TNRC6A: variants seen among roughly 807,000 people sequenced by gnomAD.
The protein encoded by TNRC6A is trinucleotide repeat containing adaptor 6A.
In TNRC6A, 44 loss-of-function variants were observed where a neutral mutation model predicts 221.2. The observed-to-expected ratio is 0.20, with a 90% CI of 0.16 to 0.26. The LOEUF (loss-of-function observed/expected upper bound fraction) is 0.26. Among genes scored for constraint, TNRC6A ranks in the 10% least tolerant of loss-of-function variants. The pLI is 1.00. For missense variants in TNRC6A, 2,199 were observed against 2,404.4 expected (o/e 0.91, Z 1.79); for synonymous variants, 847 against 838.5 (o/e 1.01, Z -0.18).
At position 24,729,668 on chromosome 16, in the gene TNRC6A, TGCGGCG is replaced by T. The variant is rs1196544740; in HGVS notation, c.-166_-161del. On this transcript the variant is annotated 5_prime_UTR_variant, in exon 1 of 25. Transcript: ENST00000395799. ...GGGCATTCACTTCCGGTCTGGGGCC[TGCGGCG>T]GCGGCGGTGTCGGCGGCGGCGGCGG... is the stretch of plus-strand genomic sequence containing the variant. 5 of 649,368 alleles carry T rather than the reference TGCGGCG, an allele frequency of 7.7e-6. No individual in the cohort carries two copies. The highest frequency in any genetic ancestry group is 4.8e-5 in the Admixed American group (1 of 21,008). The allele number at this position is 649,368 out of a possible 1,614,324, so 40.2% of individuals were successfully genotyped here.
intron 1 of TNRC6A, among the ~76,000 whole-genome samples, chr16:24,614,868 G>A (rs535950806): frequency 2.0e-5 from 3 of 152,244 alleles, no homozygotes; most frequent in South Asian, 2.1e-4. Flanking sequence ...TCAGGAGTTC[G>A]CGACCAGCCT....
At chr16:24,653,546 C>T (rs1353990656) in intron 2 of TNRC6A, among the ~76,000 whole-genome samples, 6 of 152,228 alleles carry the variant, frequency 3.9e-5, no homozygotes, top group South Asian at 2.1e-4. Context: ...GAGGCTGAGG[C>T]GGGCAGATCA....
At chr16:24,750,581 G>A in intron 2 of TNRC6A, 145 bp from the exon 3 acceptor site, 1 of 1,011,888 alleles carries the variant, frequency 9.9e-7, no homozygotes, top group South Asian at 2.9e-5. Context: ...TTAGGTTGCA[G>A]GTTGTGTTTT....
upstream of TNRC6A, among the ~76,000 whole-genome samples, chr16:24,728,069 T>C (rs2056522493): frequency 6.6e-6 from 1 of 152,228 alleles, no homozygotes; most frequent in African/African-American, 2.4e-5. Flanking sequence ...ATTCATTCAC[T>C]AGCTTAACCT....
intron 2 of TNRC6A, among the ~76,000 whole-genome samples, chr16:24,705,109 A>G (rs2056071109): frequency 6.6e-6 from 1 of 152,124 alleles, no homozygotes; most frequent in South Asian, 2.1e-4. Context: ...TGTTCAAAAC[A>G]CCTTATTTAT....
rs1386075808 is a variant in TNRC6A, at chr16:24,625,704, G to GCCTGGGC, written n.277-15179_277-15173dup. On this transcript the variant is annotated intron_variant and non_coding_transcript_variant, in intron 1 of 2. Coordinates refer to the TNRC6A transcript ENST00000566108. ...TTGCGCCACTGCAGTCCGCAGTCCGGCCTGGGCGACAGAGCGAGACTCCGT... is the reference window on the plus strand; with the variant it reads ...TTGCGCCACTGCAGTCCGCAGTCCGGCCTGGGCCCTGGGCGACAGAGCGAGACTCCGT... 2.2e-5 allele frequency among the ~76,000 whole-genome samples: 3 copies of GCCTGGGC among 134,380 alleles called. No individual in the cohort carries two copies. In the East Asian group the frequency reaches 6.5e-4, roughly 29 times the overall value. 88.2% of individuals were successfully genotyped at this position (134,380 alleles called of 152,430 possible).
intron 2 of TNRC6A, among the ~76,000 whole-genome samples, chr16:24,718,751 A>T (rs957636898): frequency 3.9e-5 from 6 of 152,056 alleles, no homozygotes; most frequent in Non-Finnish European, 4.4e-5. Context: ...GAGAGAGATA[A>T]GCAGGCTGGG....
intron 2 of TNRC6A, among the ~76,000 whole-genome samples, chr16:24,738,838 G>C (rs1470952040): frequency 6.6e-6 from 1 of 152,118 alleles, no homozygotes; most frequent in Non-Finnish European, 1.5e-5. Flanking sequence ...TGGTAACTTT[G>C]TTTAACTTTT....
rs1277127310 is a variant in TNRC6A at position 24,791,452 on chromosome 16, C to G, written c.2810C>G (p.Ser937Trp). Residue 937 changes from serine (S) to tryptophan (W), a missense_variant, in exon 6 of 25, where the codon TCG becomes TGG. Physicochemically the swap from Ser to Trp is radical, Grantham distance 177. Coordinates refer to ENST00000395799, the MANE Select transcript of TNRC6A (RefSeq NM_014494.4). ...KSNQSLGWGDSSKPVSSPDWN... is the reference protein window; with the variant it reads ...KSNQSLGWGDWSKPVSSPDWN... ...AATCAGTCTCTAGGTTGGGGAGATT[C>G]GTCAAAGCCAGTCAGCTCTCCAGAC... 2 of 1,531,372 alleles carry G rather than the reference C, an allele frequency of 1.3e-6. No homozygotes were observed. The highest frequency in any genetic ancestry group is 1.8e-6 in the Non-Finnish European group (2 of 1,142,660). The allele number at this position is 1,531,372 out of a possible 1,614,324, so 94.9% of individuals were successfully genotyped here. A position where few individuals can be genotyped will look rare whatever the true frequency, so the allele number is the denominator to read the frequency against.
chr16:24,623,255 G>T (rs183968580), intron 1 of TNRC6A, among the ~76,000 whole-genome samples: 3 of 151,324 alleles, frequency 2.0e-5, no homozygotes, highest in East Asian at 1.9e-4. Context: ...CTGGAGTGCC[G>T]TGGTGCGATC....
At chr16:24,690,953 G>A (rs1012404632) in intron 2 of TNRC6A, among the ~76,000 whole-genome samples, 4 of 151,756 alleles carry the variant, frequency 2.6e-5, no homozygotes, top group Admixed American at 6.6e-5. Context: ...GACTACTGGC[G>A]CCCGCCACCA....
At chr16:24,782,610 G>A (rs1596698134) in intron 5 of TNRC6A, among the ~76,000 whole-genome samples, 1 of 152,316 alleles carries the variant, frequency 6.6e-6, no homozygotes, top group East Asian at 1.9e-4. Context: ...GGGCGTGGTG[G>A]CTCATGCCTG....
intron 2 of TNRC6A, among the ~76,000 whole-genome samples, chr16:24,695,300 T>C (rs1315828178): frequency 2.6e-5 from 4 of 152,202 alleles, no homozygotes; most frequent in Non-Finnish European, 1.5e-5. Flanking sequence ...CAAGTTATGA[T>C]GTCTACCTGT....
In TNRC6A at chr16:24,680,629, A is replaced by G. The variant is rs555504690; in HGVS notation, n.402+39620A>G. On this transcript the variant is annotated intron_variant and non_coding_transcript_variant, in intron 2 of 2. Coordinates refer to the TNRC6A transcript ENST00000566108. The stretch of plus-strand genomic sequence containing the variant: ...ATACTTGGGAGGCTGAGGCGGAAGA[A>G]TCACTTGAACCTGGAGGCAGAGGTT... Among the ~76,000 whole-genome samples, 23 of 151,242 alleles carry G rather than the reference A, an allele frequency of 1.5e-4. No individual in the cohort carries two copies. The South Asian group carries it at 2.7e-3, about 18-fold the overall frequency.
intron 22 of TNRC6A, 53 bp from the exon 23 acceptor site, chr16:24,822,024 G>A (rs1043689001): frequency 6.4e-7 from 1 of 1,557,326 alleles, no homozygotes; most frequent in Middle Eastern, 1.7e-4. Context: ...AGTAACTGTA[G>A]TTGGGCTCTT....
At chr16:24,677,455 G>A (rs1377729989) in intron 2 of TNRC6A, among the ~76,000 whole-genome samples, 1 of 152,080 alleles carries the variant, frequency 6.6e-6, no homozygotes, top group African/African-American at 2.4e-5. Context: ...AAGCCACAGT[G>A]CCCGGCCCCA....
intron 2 of TNRC6A, among the ~76,000 whole-genome samples, chr16:24,712,453 G>C (rs368566514): frequency 1.0e-3 from 153 of 152,200 alleles, no homozygotes; most frequent in African/African-American, 3.6e-3. Context: ...CTAGTTTTTT[G>C]TGCTGTTATT....
At position 24,791,465 on chromosome 16, in the gene TNRC6A, C is replaced by G; in HGVS notation, c.2823C>G (p.Val941=). The change falls in exon 6 of 25, where the codon GTC becomes GTG. Residue 941 remains valine (V), a synonymous_variant. Coordinates refer to ENST00000395799, the MANE Select transcript of TNRC6A (RefSeq NM_014494.4). ...GTTGGGGAGATTCGTCAAAGCCAGT[C>G]AGCTCTCCAGACTGGAACAAGCAAC... ...SLGWGDSSKP[V]SSPDWNKQQD... 1 of 1,530,936 alleles carries G rather than the reference C, an allele frequency of 6.5e-7. No individual in the cohort carries two copies. Among genetic ancestry groups the G allele is most frequent in the Non-Finnish European group, 8.8e-7 (1 of 1,142,484 alleles). The allele number at this position is 1,530,936 out of a possible 1,614,324, so 94.8% of individuals were successfully genotyped here.
chr16:24,662,190 C>T (rs2141923138), intron 2 of TNRC6A: 1 of 152,188 alleles, frequency 6.6e-6, no homozygotes, highest in Admixed American at 6.5e-5. Context: ...TGGCTCATGC[C>T]TATAGTCTCA....
Sources: allele counts gnomAD v4.1 joint callset (sites outside exome capture counted in the v4.1 genomes callset), GRCh38; gene constraint gnomAD v4.1.1; transcripts MANE v1.5; gene names NCBI Gene and HGNC (gene_info 2026-07-23, HGNC 2026-07-21).